IDO1: variants seen among roughly 807,000 people sequenced by gnomAD.
IDO1 encodes indoleamine 2,3-dioxygenase 1.
In IDO1, 35 loss-of-function variants were observed where a neutral mutation model predicts 38.8. That is an observed-to-expected ratio of 0.90 (90% CI 0.69 to 1.20). The LOEUF (loss-of-function observed/expected upper bound fraction) is 1.20. Among genes scored for constraint, IDO1 ranks in the 50% most tolerant of loss-of-function variants. The probability of loss-of-function intolerance (pLI) is 0.00; values close to 1 mark genes in which losing one functional copy is unlikely to be tolerated. For synonymous variants in IDO1, 171 were observed against 170.0 expected, an observed-to-expected ratio of 1.01 and a Z score of -0.05; for missense variants, 509 against 485.1, an observed-to-expected ratio of 1.05 and a Z score of -0.46.
At position 39,928,516 on chromosome 8, in the gene IDO1, A is replaced by G. The variant is rs570791065; in HGVS notation, c.*331A>G. 5.8e-4 allele frequency: 104 copies of G among 179,604 alleles called. No individual in the cohort carries two copies. Among genetic ancestry groups the G allele is most frequent in the Non-Finnish European group, 1.0e-3 (88 of 84,592 alleles). The allele number at this position is 179,604 out of a possible 1,614,324, so 11.1% of individuals were successfully genotyped here. ...TGGGAGGCCGAGGCGGGCGGATCAC[A>G]AGGTCAGGAGATCGAGACCATCTTG... On this transcript the variant is annotated 3_prime_UTR_variant, in exon 10 of 10. Transcript: ENST00000518237.
chr8:39,921,170 A>G (rs1807266689), intron 5 of IDO1, among the ~76,000 whole-genome samples: 1 of 149,352 alleles, frequency 6.7e-6, no homozygotes, highest in Admixed American at 6.6e-5. Flanking sequence ...AGTGATAAAA[A>G]TAACAGTGTG....
chr8:39,924,700 A>G (rs755223133), intron 7 of IDO1, 21 bp from the exon 8 acceptor site: 2 of 1,567,986 alleles, frequency 1.3e-6, no homozygotes, highest in East Asian at 4.5e-5. Flanking sequence ...GCTTAATTAA[A>G]CATATTCCAT....
chr8:39,928,027 A>G lies in IDO1; in HGVS notation c.1054A>G (p.Lys352Glu), dbSNP rs781582282. 2.5e-6 allele frequency: 4 copies of G among 1,607,982 alleles called. No homozygotes were observed. In the Admixed American group the frequency reaches 6.8e-5, roughly 27 times the overall value. Reference sequence around the variant, plus strand: ...GAGCTACCATCTGCAAATCGTGACTAAGTACATCCTGATTCCTGCAAGCCA... The same window carrying G: ...GAGCTACCATCTGCAAATCGTGACTGAGTACATCCTGATTCCTGCAAGCCA... ...LRSYHLQIVT[K>E]YILIPASQQP... The change falls in exon 10 of 10, where the codon AAG (lysine) becomes GAG (glutamate). Residue 352 changes from lysine to glutamate, a missense_variant. Transcript: ENST00000518237.
At chr8:39,924,796 T>C in intron 8 of IDO1, 24 bp downstream of exon 8, 1 of 1,571,348 alleles carries the variant, frequency 6.4e-7, no homozygotes, top group Non-Finnish European at 8.7e-7. Flanking sequence ...TGTTTGAATT[T>C]GTTTGCTCTC....
intron 9 of IDO1, among the ~76,000 whole-genome samples, chr8:39,925,912 G>T (rs1160337395): frequency 6.6e-6 from 1 of 151,960 alleles, no homozygotes; most frequent in Non-Finnish European, 1.5e-5. Flanking sequence ...AAAAAGCCAG[G>T]TGCAGTCGCT....
chr8:39,927,230 T>C (rs758534004), intron 9 of IDO1, among the ~76,000 whole-genome samples: 4 of 152,170 alleles, frequency 2.6e-5, no homozygotes, highest in Non-Finnish European at 4.4e-5. Context: ...CCCTTGTCTA[T>C]ACCATCAGCT....
intron 3 of IDO1, 69 bp from the exon 4 acceptor site, chr8:39,918,746 C>CAAAAAAAAAAAAAAAAAA (rs1214540367): frequency 1.1e-4 from 32 of 294,858 alleles, no homozygotes; most frequent in East Asian, 2.3e-4. Flanking sequence ...GACTCCATCT[C>CAAAAAAAAAAAAAAAAAA]AAAAAAAAAA....
In IDO1 at chr8:39,920,091, T is replaced by G. The variant is rs1300599086; in HGVS notation, c.423-9T>G. 6.2e-7 allele frequency: 1 copy of G among 1,611,294 alleles called. No homozygotes were observed. The highest frequency in any genetic ancestry group is 8.5e-7 in the Non-Finnish European group (1 of 1,178,124). On this transcript the variant is annotated splice_polypyrimidine_tract_variant and intron_variant, in intron 4 of 9. Transcript: ENST00000518237. ...AATTGGTCCATTGCTTCATGGCTGC[T>G]TTCATAAGGCCCCTGACTTATGAGT...
chr8:39,925,302 A>C lies in IDO1; in HGVS notation c.787A>C (p.Ser263Arg). Reference protein sequence around the residue: ...WEDPKEFAGGSAGQSSVFQCF... With the variant: ...WEDPKEFAGGRAGQSSVFQCF... ...AGACCCAAAGGAGTTTGCAGGGGGC[A>C]GTGCAGGCCAAAGCAGCGTCTTTCA... The change falls in exon 9 of 10, where the codon AGT becomes CGT. Residue 263 changes from serine to arginine, a missense_variant. Coordinates refer to ENST00000518237, the MANE Select transcript of IDO1 (RefSeq NM_002164.6). 1.2e-6 allele frequency: 2 copies of C among 1,613,252 alleles called. No homozygotes were observed. The highest frequency in any genetic ancestry group is 1.7e-6 in the Non-Finnish European group (2 of 1,179,682).
chr8:39,921,952 T>G (rs1217205754), intron 5 of IDO1, among the ~76,000 whole-genome samples: 1 of 152,114 alleles, frequency 6.6e-6, no homozygotes. Context: ...GAAACAGAAC[T>G]AGTTTGGGAA....
intron 5 of IDO1, among the ~76,000 whole-genome samples, chr8:39,921,683 T>G (rs1422652286): frequency 2.0e-5 from 3 of 152,146 alleles, no homozygotes; most frequent in African/African-American, 7.2e-5. Context: ...ACCATGAATT[T>G]AACCACCACA....
At chr8:39,927,666 G>A (rs1258438583) in intron 9 of IDO1, among the ~76,000 whole-genome samples, 164 bp from the exon 10 acceptor site, 1 of 151,950 alleles carries the variant, frequency 6.6e-6, no homozygotes. Context: ...ACGATTGCTA[G>A]TAGCAAGACT....
chr8:39,918,966 GGAGT>G (rs1394740485), intron 4 of IDO1, 33 bp downstream of exon 4: 1 of 1,263,704 alleles, frequency 7.9e-7, no homozygotes, highest in East Asian at 2.3e-5. Flanking sequence ...AGGAATTTTT[GGAGT>G]GTGTGCCGAT....
rs749015694 is a variant in IDO1 at position 39,927,869 on chromosome 8, T to C, written c.896T>C (p.Met299Thr). ...TTCCTCCAGGACATGAGAAGATATA[T>C]GCCACCAGCTCACAGGAACTTCCTG... is the stretch of plus-strand genomic sequence containing the variant. ...AQFLQDMRRY[M>T]PPAHRNFLCS... Residue 299 changes from methionine (M) to threonine (T), a missense_variant, in exon 10 of 10, where the codon ATG becomes ACG. By Grantham distance (81) the Met-to-Thr change is moderately conservative. Transcript: ENST00000518237. The C allele has an allele frequency of 6.3e-6, 10 of 1,577,470 alleles. No homozygotes were observed. The highest frequency in any genetic ancestry group is 8.6e-6 in the Non-Finnish European group (10 of 1,162,240).
intron 6 of IDO1, chr8:39,923,039 G>T (rs944311953): frequency 5.2e-5 from 11 of 210,106 alleles, no homozygotes; most frequent in Middle Eastern, 1.9e-3. Context: ...TAAATGTAAG[G>T]AAATTAGTCA....
In IDO1 at chr8:39,918,866, G is replaced by A; in HGVS notation, c.355G>A (p.Glu119Lys). 3 of 1,613,334 alleles carry A rather than the reference G, an allele frequency of 1.9e-6. No individual in the cohort carries two copies. The highest frequency in any genetic ancestry group is 2.5e-6 in the Non-Finnish European group (3 of 1,179,594). The part of the protein sequence containing the change: ...VPYCQLSKKL[E>K]LPPILVYADC... ...TTACTGCCAACTCTCCAAGAAACTG[G>A]AACTGCCTCCTATTTTGGTTTATGC... Residue 119 changes from glutamate to lysine, a missense_variant, in exon 4 of 10, where the codon GAA becomes AAA. Coordinates refer to ENST00000518237, the MANE Select transcript of IDO1 (RefSeq NM_002164.6).
chr8:39,919,364 T>C (rs953432205), intron 4 of IDO1, among the ~76,000 whole-genome samples: 1 of 152,186 alleles, frequency 6.6e-6, no homozygotes, highest in African/African-American at 2.4e-5. Flanking sequence ...CCACAGAGTA[T>C]AGACTCTTGT....
At chr8:39,927,803 T>A in intron 9 of IDO1, 27 bp from the exon 10 acceptor site, 1 of 1,431,546 alleles carries the variant, frequency 7.0e-7, no homozygotes, top group Non-Finnish European at 9.3e-7. Context: ...GTGACCTCCG[T>A]ATTTCCTCTT....
Position 39,927,926 on chromosome 8 carries a change from A to C in IDO1, c.953A>C (p.Glu318Ala), listed in dbSNP as rs1807392437. The C allele has an allele frequency of 1.9e-6, 3 of 1,607,518 alleles. No homozygotes were observed. In the African/African-American group the frequency reaches 4.0e-5, roughly 22 times the overall value. ...CSLESNPSVR[E>A]FVLSKGDAGL... Reference sequence around the variant, plus strand: ...TTAGAGTCAAATCCCTCAGTCCGTGAGTTTGTCCTTTCAAAAGGTGATGCT... The same window carrying C: ...TTAGAGTCAAATCCCTCAGTCCGTGCGTTTGTCCTTTCAAAAGGTGATGCT... The change falls in exon 10 of 10, where the codon GAG becomes GCG. Residue 318 changes from glutamate (E) to alanine (A), a missense_variant. Glu to Ala is a moderately radical substitution (Grantham distance 107, BLOSUM62 -1). Coordinates refer to ENST00000518237, the MANE Select transcript of IDO1 (RefSeq NM_002164.6).
Sources: gnomAD v4.1 joint callset for allele counts (sites outside exome capture counted in the v4.1 genomes callset) on GRCh38, gnomAD v4.1.1 for gene constraint, MANE v1.5 for transcripts, NCBI Gene and HGNC (gene_info 2026-07-23, HGNC 2026-07-21) for gene names.